The following MALRD1 variants were observed in gnomAD, a reference collection of about 807,000 sequenced individuals.
MALRD1 encodes the protein MAM and LDL receptor class A domain containing 1, also known as MAM and LDL-receptor class A domain-containing protein 1.
In MALRD1, 247 loss-of-function variants were observed where a neutral mutation model predicts 242.1. The observed-to-expected ratio is 1.02, with a 90% CI of 0.92 to 1.13. The LOEUF (loss-of-function observed/expected upper bound fraction) is 1.13. Among genes scored for constraint, MALRD1 ranks in the 50% most tolerant of loss-of-function variants. The probability of loss-of-function intolerance (pLI) is 0.00; values close to 1 mark genes in which losing one functional copy is unlikely to be tolerated. For missense variants in MALRD1, 2,989 were observed against 2,533.1 expected (o/e 1.18, Z -3.86); for synonymous variants, 995 against 866.6 (o/e 1.15, Z -2.60).
chr10:19,305,997 T>TAC (rs1162228375), intron 21 of MALRD1, among the ~76,000 whole-genome samples: 1 of 121,806 alleles, frequency 8.2e-6, no homozygotes. Context: ...ATACTATATA[T>TAC]TATATATTAT....
At chr10:19,155,595 C>CT (rs1261008422) in intron 12 of MALRD1, among the ~76,000 whole-genome samples, 3 of 152,146 alleles carry the variant, frequency 2.0e-5, no homozygotes, top group Non-Finnish European at 4.4e-5. Context: ...CAAACACAAA[C>CT]TAAGGAGTGA....
intron 8 of MALRD1, among the ~76,000 whole-genome samples, chr10:19,132,715 A>C (rs1402203787): frequency 6.6e-6 from 1 of 152,210 alleles, no homozygotes; most frequent in Non-Finnish European, 1.5e-5. Context: ...TAATTATGTC[A>C]ATCTTCACAT....
chr10:19,563,643 C>T (rs1836109766), intron 32 of MALRD1, among the ~76,000 whole-genome samples: 1 of 152,178 alleles, frequency 6.6e-6, no homozygotes, highest in African/African-American at 2.4e-5. Flanking sequence ...AGTGACCTGC[C>T]TTCAACATTG....
At chr10:19,567,437 C>T in intron 32 of MALRD1, 65 bp from the exon 33 acceptor site, 1 of 1,316,690 alleles carries the variant, frequency 7.6e-7, no homozygotes, top group South Asian at 1.3e-5. Context: ...TTTCATCAAT[C>T]ATCTGGATGT....
intron 19 of MALRD1, among the ~76,000 whole-genome samples, chr10:19,258,682 A>G (rs1323248132): frequency 1.3e-5 from 2 of 151,986 alleles, no homozygotes; most frequent in African/African-American, 2.4e-5. Flanking sequence ...CCTACCCACC[A>G]CTCAGCATCC....
chr10:19,060,932 G>C (rs1290562007), intron 1 of MALRD1, among the ~76,000 whole-genome samples: 1 of 152,162 alleles, frequency 6.6e-6, no homozygotes, highest in Non-Finnish European at 1.5e-5. Context: ...GAAATACTAT[G>C]TAGCCATAAA....
intron 29 of MALRD1, 111 bp downstream of exon 29, chr10:19,450,601 C>A: frequency 2.2e-6 from 2 of 893,796 alleles, no homozygotes; most frequent in Non-Finnish European, 3.3e-6. Flanking sequence ...TACACATACA[C>A]AAATCAATGG....
intron 20 of MALRD1, 85 bp from the exon 21 acceptor site, chr10:19,282,934 A>G: frequency 1.1e-6 from 1 of 931,672 alleles, no homozygotes; most frequent in African/African-American, 1.7e-5. Context: ...AATTAAAAAC[A>G]AGAGTAAGAA....
rs73593852 is a variant in MALRD1 at position 19,230,063 on chromosome 10, C to T, written c.2991+20383C>T. The stretch of plus-strand genomic sequence containing the variant: ...GTTTTATAAGGCGAAACCCCTTTCG[C>T]CTTTCACTTGGTTCTCATTTGCTGT... On this transcript the variant is annotated intron_variant, in intron 18 of 39. Transcript: ENST00000454679. Among the ~76,000 whole-genome samples, 926 of 152,164 alleles carry T rather than the reference C, an allele frequency of 6.1e-3. 11 individuals carry two copies. The highest frequency in any genetic ancestry group is 0.021 in the African/African-American group (884 of 41,502).
At chr10:19,569,142 A>G (rs1836392303) in intron 33 of MALRD1, among the ~76,000 whole-genome samples, 1 of 152,142 alleles carries the variant, frequency 6.6e-6, no homozygotes, top group East Asian at 1.9e-4. Flanking sequence ...AATGGCTTTA[A>G]TCATCTTTGC....
intron 29 of MALRD1, chr10:19,488,749 TA>T (rs1019151849): frequency 9.3e-6 from 2 of 214,964 alleles, no homozygotes; most frequent in Non-Finnish European, 2.0e-5. Flanking sequence ...ATGTCTTTAT[TA>T]GGGGGTTTGG....
At chr10:19,576,964 G>GTTTTTT (rs11331552) in intron 33 of MALRD1, among the ~76,000 whole-genome samples, 2 of 123,414 alleles carry the variant, frequency 1.6e-5, no homozygotes, top group East Asian at 2.5e-4. Flanking sequence ...CCACATTGTC[G>GTTTTTT]TTTTTTTTTT....
chr10:19,348,057 G>A, intron 25 of MALRD1, 39 bp downstream of exon 25: 1 of 1,526,718 alleles, frequency 6.5e-7, no homozygotes. Flanking sequence ...AACAAACACA[G>A]AATTATTGTG....
chr10:19,342,728 A>T (rs2130963309), intron 24 of MALRD1, among the ~76,000 whole-genome samples: 1 of 152,222 alleles, frequency 6.6e-6, no homozygotes, highest in East Asian at 1.9e-4. Context: ...TCATGATGTT[A>T]TTAAGGCAGG....
In MALRD1 at chr10:19,376,729, TTTTATTAGAGACGGGGTTTCCCCATC is replaced by T. The variant is rs542130497; in HGVS notation, c.4442-10778_4442-10753del. On this transcript the variant is annotated intron_variant, in intron 26 of 39. Transcript: ENST00000454679. ...CAACACCACACCTGCTAATTTTGTA[TTTTATTAGAGACGGGGTTTCCCCATC>T]TTTATTAGAGACGGGGTTTCAGTCT... Among the ~76,000 whole-genome samples, 16 of 151,806 alleles carry T rather than the reference TTTTATTAGAGACGGGGTTTCCCCATC, an allele frequency of 1.1e-4. No homozygotes were observed. The South Asian group carries it at 1.7e-3, about 16-fold the overall frequency.
At position 19,729,721 on chromosome 10, in the gene MALRD1, C is replaced by CTTTTTTTTTT. The variant is rs35279728; in HGVS notation, c.6315-961_6315-952dup. 3.7e-4 allele frequency among the ~76,000 whole-genome samples: 15 copies of CTTTTTTTTTT among 40,694 alleles called. 5 individuals carry two copies. The highest frequency in any genetic ancestry group is 8.4e-4 in the African/African-American group (8 of 9,532). The allele number at this position is 40,694 out of a possible 152,430, so 26.7% of individuals were successfully genotyped here. A position where few individuals can be genotyped will look rare whatever the true frequency, so the allele number is the denominator to read the frequency against. ...GTGTCTTCTAATAAGTCTATTAATT[C>CTTTTTTTTTT]TTTTTTTTTTTTTTTTTTTTTTTTT... On this transcript the variant is annotated intron_variant, in intron 38 of 39. Transcript: ENST00000454679.
chr10:19,682,651 C>T (rs1459705493), intron 36 of MALRD1, among the ~76,000 whole-genome samples: 3 of 152,152 alleles, frequency 2.0e-5, no homozygotes, highest in Non-Finnish European at 4.4e-5. Flanking sequence ...GGAATTTTAG[C>T]GCTTTGTGGC....
At chr10:19,202,269 C>T (rs1376277017) in intron 14 of MALRD1, among the ~76,000 whole-genome samples, 1 of 152,046 alleles carries the variant, frequency 6.6e-6, no homozygotes, top group Non-Finnish European at 1.5e-5. Flanking sequence ...TTTATACATT[C>T]CCTCTGATTC....
chr10:19,499,092 A>G (rs1837850660), intron 31 of MALRD1, among the ~76,000 whole-genome samples: 1 of 152,168 alleles, frequency 6.6e-6, no homozygotes, highest in Non-Finnish European at 1.5e-5. Flanking sequence ...AAAGTGTAAA[A>G]TGGTAAGTGG....
Sources: gnomAD v4.1 joint callset for allele counts (sites outside exome capture counted in the v4.1 genomes callset) on GRCh38, gnomAD v4.1.1 for gene constraint, MANE v1.5 for transcripts, NCBI Gene and HGNC (gene_info 2026-07-23, HGNC 2026-07-21) for gene names.